Variants in PATL2 observed in about 807,000 individuals in gnomAD.
PATL2 encodes the protein protein PAT1 homolog 2.
A neutral mutation model predicts 77.0 loss-of-function variants in PATL2; 73 were observed. That is an observed-to-expected ratio of 0.95 (90% CI 0.78 to 1.15). The LOEUF (loss-of-function observed/expected upper bound fraction) is 1.15. Ranked by LOEUF, PATL2 falls within the 50% of genes most tolerant of loss-of-function variation. The pLI is 0.00. For missense variants in PATL2, 618 were observed against 655.4 expected (o/e 0.94, Z 0.62); for synonymous variants, 265 against 257.1 (o/e 1.03, Z -0.29).
In PATL2 at chr15:44,666,020, T is replaced by A; in HGVS notation, c.1614-49A>T. ...TGCAAGCACAATTCTACTTTGCAAG[T>A]ATTTATATGATTTAATTAGTATCTG... On this transcript the variant is annotated intron_variant, in intron 17 of 17. Transcript: ENST00000682850. The A allele has an allele frequency of 2.8e-6, 4 of 1,449,540 alleles. No homozygotes were observed. In the South Asian group the frequency reaches 5.2e-5, roughly 19 times the overall value. 89.8% of individuals were successfully genotyped at this position (1,449,540 alleles called of 1,614,324 possible).
In PATL2 at chr15:44,676,523, T is replaced by A; in HGVS notation, c.-33A>T. ...GGCTGGTGGACTTCCTTCTTAGCCG[T>A]GTCCTCCAGTGAAACAGCATTGCCA... On this transcript the variant is annotated 5_prime_UTR_variant, in exon 4 of 18. Coordinates refer to ENST00000682850, the MANE Select transcript of PATL2 (RefSeq NM_001387263.1). 1 of 1,551,358 alleles carries A rather than the reference T, an allele frequency of 6.4e-7. No homozygotes were observed. The highest frequency in any genetic ancestry group is 1.4e-5 in the African/African-American group (1 of 73,136).
intron 9 of PATL2, among the ~76,000 whole-genome samples, chr15:44,671,164 C>T (rs2085653907): frequency 1.3e-5 from 2 of 152,120 alleles, no homozygotes; most frequent in African/African-American, 2.4e-5. Flanking sequence ...GGATGGGGCA[C>T]TGGATGGGAG....
chr15:44,678,602 A>G (rs968041667), intron 3 of PATL2, among the ~76,000 whole-genome samples: 10 of 152,192 alleles, frequency 6.6e-5, no homozygotes, highest in Non-Finnish European at 1.0e-4. Flanking sequence ...ACAGCCTGTT[A>G]GAGCTTCTTC....
At position 44,668,439 on chromosome 15, in the gene PATL2, T is replaced by G; in HGVS notation, c.1268A>C (p.His423Pro). 1 of 1,551,356 alleles carries G rather than the reference T, an allele frequency of 6.4e-7. No homozygotes were observed. Among genetic ancestry groups the G allele is most frequent in the African/African-American group, 1.4e-5 (1 of 73,136 alleles). ...TTGGAGGAGTTCGTGGAGGGTCAAG[T>G]GACTAATACATTTGCCCAGAGGTTT... is the stretch of plus-strand genomic sequence containing the variant. Reference protein sequence around the residue: ...LFKPLGKCISHLTLHELLQGL... With the variant: ...LFKPLGKCISPLTLHELLQGL... The change falls in exon 15 of 18, where the codon CAC (histidine) becomes CCC (proline). Residue 423 changes from histidine (H) to proline (P), a missense_variant. His to Pro is a moderately conservative substitution (Grantham distance 77). Coordinates refer to ENST00000682850, the MANE Select transcript of PATL2 (RefSeq NM_001387263.1).
At chr15:44,668,253 G>T in intron 15 of PATL2, 89 bp downstream of exon 15, 1 of 1,392,150 alleles carries the variant, frequency 7.2e-7, no homozygotes. Context: ...TAAGATTTGT[G>T]TAGAGATGAG....
intron 3 of PATL2, among the ~76,000 whole-genome samples, chr15:44,688,431 G>C (rs2086312139): frequency 6.6e-6 from 1 of 152,040 alleles, no homozygotes; most frequent in African/African-American, 2.4e-5. Context: ...AACAAAGCTG[G>C]AGGCACCATG....
chr15:44,683,485 T>C (rs868683777), intron 3 of PATL2, among the ~76,000 whole-genome samples: 2 of 152,182 alleles, frequency 1.3e-5, no homozygotes, highest in South Asian at 4.1e-4. Flanking sequence ...AAGTTCAAAC[T>C]GGGTGGAGTC....
chr15:44,688,803 A>C (rs1183711563), intron 3 of PATL2, among the ~76,000 whole-genome samples: 1 of 152,240 alleles, frequency 6.6e-6, no homozygotes, highest in Non-Finnish European at 1.5e-5. Context: ...AGGAGTGGGC[A>C]AAGACTTCAT....
chr15:44,687,601 G>T (rs1360962114), intron 3 of PATL2, among the ~76,000 whole-genome samples: 1 of 152,168 alleles, frequency 6.6e-6, no homozygotes, highest in Non-Finnish European at 1.5e-5. Context: ...CAAATAGGAA[G>T]AGAGGAAGTC....
intron 16 of PATL2, 187 bp downstream of exon 16, chr15:44,666,919 C>T: frequency 5.2e-6 from 3 of 581,308 alleles, no homozygotes; most frequent in Non-Finnish European, 6.1e-6. Context: ...TGTTATACTG[C>T]CTCCTAGAAG....
chr15:44,668,950 C>G lies in PATL2; in HGVS notation c.1224+30G>C, dbSNP rs1358559706. 5 of 1,500,236 alleles carry G rather than the reference C, an allele frequency of 3.3e-6. No individual in the cohort carries two copies. The East Asian group carries it at 1.2e-4, about 37-fold the overall frequency. The allele number at this position is 1,500,236 out of a possible 1,614,324, so 92.9% of individuals were successfully genotyped here. The stretch of plus-strand genomic sequence containing the variant: ...ATGACCCCTAACCTATTCAGGAGAC[C>G]ATCCTCTTCTCCACTCAATGCCACA... On this transcript the variant is annotated intron_variant, in intron 14 of 17. Coordinates refer to ENST00000682850, the MANE Select transcript of PATL2 (RefSeq NM_001387263.1).
chr15:44,667,046 G>A (rs2141159804), intron 16 of PATL2, 60 bp downstream of exon 16: 1 of 1,297,662 alleles, frequency 7.7e-7, no homozygotes, highest in East Asian at 2.5e-5. Flanking sequence ...TACTTCACCT[G>A]GCTCAGTCTG....
At chr15:44,710,643 A>T (rs867785688) in intron 2 of PATL2, among the ~76,000 whole-genome samples, 29 of 152,092 alleles carry the variant, frequency 1.9e-4, no homozygotes, top group African/African-American at 6.5e-4. Context: ...TTCCTCCTAC[A>T]GTTTATTTAT....
At position 44,675,594 on chromosome 15, in the gene PATL2, T is replaced by G. The variant is rs754361072; in HGVS notation, c.114A>C (p.Glu38Asp). ...CCAGATCCTCCTCGTCCTCCTCCTC[T>G]TCCTCCTCCTCCCCTTCATTCTCTT... The part of the protein sequence containing the change: ...KEEENEGEEE[E>D]EEEDEEDLDP... The change falls in exon 5 of 18, where the codon GAA (glutamate) becomes GAC (aspartate). Residue 38 changes from glutamate (E) to aspartate (D), a missense_variant. By Grantham distance (45) the Glu-to-Asp change is conservative. Coordinates refer to ENST00000682850, the MANE Select transcript of PATL2 (RefSeq NM_001387263.1). 3.2e-6 allele frequency: 5 copies of G among 1,551,578 alleles called. No individual in the cohort carries two copies. Among genetic ancestry groups the G allele is most frequent in the Non-Finnish European group, 3.5e-6 (4 of 1,146,696 alleles).
chr15:44,684,553 AT>A (rs775139693), intron 3 of PATL2, among the ~76,000 whole-genome samples: 2 of 151,944 alleles, frequency 1.3e-5, no homozygotes, highest in African/African-American at 2.4e-5. Flanking sequence ...GAAAAAAAAA[AT>A]GAAAAGTAAT....
chr15:44,676,786 G>T, intron 3 of PATL2: 1 of 1,223,738 alleles, frequency 8.2e-7, no homozygotes, highest in Non-Finnish European at 1.0e-6. Context: ...GCACAGGCTA[G>T]AAGCAGGAAG....
intron 3 of PATL2, among the ~76,000 whole-genome samples, chr15:44,679,572 T>C (rs865947881): frequency 7.1e-6 from 1 of 141,598 alleles, no homozygotes; most frequent in Middle Eastern, 3.6e-3. Context: ...TTTTTTTTTT[T>C]AGTAGAGATA....
At position 44,711,166 on chromosome 15, in the gene PATL2, T is replaced by A. The variant is rs2255235; in HGVS notation, c.-400A>T. 1.2e-5 allele frequency: 5 copies of A among 410,370 alleles called. No homozygotes were observed. Among genetic ancestry groups the A allele is most frequent in the African/African-American group, 4.0e-5 (2 of 49,554 alleles). The allele number at this position is 410,370 out of a possible 1,614,324, so 25.4% of individuals were successfully genotyped here. On this transcript the variant is annotated 5_prime_UTR_variant, in exon 1 of 18. Transcript: ENST00000682850. Reference sequence around the variant, plus strand: ...ATGCAGGTCCGAGCAGTTAACTGGCTGGGGCACCATTAGCAAGTCACTTAG... The same window carrying A: ...ATGCAGGTCCGAGCAGTTAACTGGCAGGGGCACCATTAGCAAGTCACTTAG...
In PATL2 at chr15:44,669,873, C is replaced by T. The variant is rs914767761; in HGVS notation, c.780G>A (p.Val260=). 2 of 1,551,462 alleles carry T rather than the reference C, an allele frequency of 1.3e-6. No individual in the cohort carries two copies. Among genetic ancestry groups the T allele is most frequent in the Admixed American group, 2.0e-5 (1 of 50,978 alleles). The stretch of plus-strand genomic sequence containing the variant: ...GGCCCAGGGAACCCTCGATTCGGAC[C>T]ACTGCATGAGAAGAGAGGCACATTT... ...YIPKAEAYES[V]VRIEGSLGQV... is the part of the protein sequence containing the mutation. Residue 260 remains valine, a splice_region_variant and synonymous_variant, in exon 11 of 18, where the codon GTG becomes GTA. Transcript: ENST00000682850.
Sources: allele counts gnomAD v4.1 joint callset (sites outside exome capture counted in the v4.1 genomes callset), GRCh38; gene constraint gnomAD v4.1.1; transcripts MANE v1.5; gene names NCBI Gene and HGNC (gene_info 2026-07-23, HGNC 2026-07-21).